Variants in SEL1L3 observed in about 807,000 individuals in gnomAD.
SEL1L3 encodes the protein SEL1L family member 3.
SEL1L3 carries 76 observed loss-of-function variants against 142.8 expected under a neutral mutation model. That is an observed-to-expected ratio of 0.53 (90% CI 0.44 to 0.64). The LOEUF is 0.64. SEL1L3 is among the 30% of genes least tolerant of loss of function. The probability of loss-of-function intolerance (pLI) is 0.00; values close to 1 mark genes in which losing one functional copy is unlikely to be tolerated. For synonymous variants in SEL1L3, 504 were observed against 519.6 expected (o/e 0.97, Z 0.41); for missense variants, 1,262 against 1,381.7 (o/e 0.91, Z 1.37).
intron 9 of SEL1L3, among the ~76,000 whole-genome samples, chr4:25,806,314 G>A (rs573017545): frequency 2.0e-5 from 3 of 152,094 alleles, no homozygotes; most frequent in African/African-American, 7.2e-5. Flanking sequence ...TGGGATTACA[G>A]GCTTGAGCCA....
At chr4:25,764,397 C>G (rs1718581305) in intron 20 of SEL1L3, among the ~76,000 whole-genome samples, 1 of 152,166 alleles carries the variant, frequency 6.6e-6, no homozygotes, top group Admixed American at 6.5e-5. Flanking sequence ...ACATTAATAT[C>G]TTAGTTTGAC....
intron 8 of SEL1L3, among the ~76,000 whole-genome samples, chr4:25,818,577 A>G (rs1456674395): frequency 6.6e-6 from 1 of 152,080 alleles, no homozygotes; most frequent in Non-Finnish European, 1.5e-5. Context: ...TTGGCATGTG[A>G]GTTGAGGAGC....
rs1338851227 is a variant in SEL1L3, at chr4:25,819,888, T to TAATA, written c.1339_1342dup (p.Tyr448LeufsTer3). ...TTCTTGAACCTCAGCACACCTTTCA[T>TAATA]AATATAACTTGATTTGTTCAGCAAG... On this transcript the variant is annotated frameshift_variant, in exon 8 of 24. Coordinates refer to ENST00000399878, the MANE Select transcript of SEL1L3 (RefSeq NM_015187.5). LOFTEE classifies it high-confidence loss of function. The TAATA allele has an allele frequency of 6.2e-7, 1 of 1,613,096 alleles. No individual in the cohort carries two copies. The highest frequency in any genetic ancestry group is 8.5e-7 in the Non-Finnish European group (1 of 1,179,476).
chr4:25,763,704 C>T (rs991497741), intron 20 of SEL1L3, among the ~76,000 whole-genome samples: 3 of 151,946 alleles, frequency 2.0e-5, no homozygotes, highest in African/African-American at 4.8e-5. Context: ...AAAAATTAGC[C>T]GGACATGCAC....
At chr4:25,802,248 C>A in intron 11 of SEL1L3, 35 bp downstream of exon 11, 1 of 1,583,338 alleles carries the variant, frequency 6.3e-7, no homozygotes, top group Non-Finnish European at 8.6e-7. Context: ...GTAAACAGGG[C>A]CATAACCATT....
chr4:25,750,306 A>C (rs1577548119), intron 23 of SEL1L3, among the ~76,000 whole-genome samples: 1 of 151,736 alleles, frequency 6.6e-6, no homozygotes. Context: ...CTACCGGCTG[A>C]GTGGAGTAGT....
chr4:25,849,788 G>A (rs1044583257), intron 1 of SEL1L3, among the ~76,000 whole-genome samples: 21 of 152,302 alleles, frequency 1.4e-4, no homozygotes, highest in African/African-American at 5.1e-4. Context: ...AGAGCTGCGG[G>A]AGAGGCAAAG....
chr4:25,810,718 C>A (rs1428013274), intron 9 of SEL1L3, among the ~76,000 whole-genome samples: 1 of 152,126 alleles, frequency 6.6e-6, no homozygotes, highest in African/African-American at 2.4e-5. Context: ...TTGGATGCCA[C>A]CCCAGAGTCT....
intron 1 of SEL1L3, among the ~76,000 whole-genome samples, chr4:25,850,912 G>A (rs1009417071): frequency 6.6e-6 from 1 of 151,392 alleles, no homozygotes; most frequent in Non-Finnish European, 1.5e-5. Flanking sequence ...GTGCAGTGAC[G>A]CAATCTCGGC....
At position 25,830,116 on chromosome 4, in the gene SEL1L3, T is replaced by C. The variant is rs745377418; in HGVS notation, c.1139A>G (p.Tyr380Cys). The change falls in exon 6 of 24, where the codon TAC becomes TGC. Residue 380 changes from tyrosine to cysteine, a missense_variant. Around this residue, in one of 3 missense-constraint regions of SEL1L3, gnomAD observed 689 missense variants for 692.8 expected, o/e 0.99. Transcript: ENST00000399878. ...TTSIGQDLKS[Y>C]HNQTISFRED... ...CACTTACCTAATGGTCTGATTGTGG[T>C]AGCTTTTCAAATCCTGTCCAATGCT... is the stretch of plus-strand genomic sequence containing the variant. 1 of 1,611,252 alleles carries C rather than the reference T, an allele frequency of 6.2e-7. No homozygotes were observed. Among genetic ancestry groups the C allele is most frequent in the Non-Finnish European group, 8.5e-7 (1 of 1,177,554 alleles).
intron 2 of SEL1L3, among the ~76,000 whole-genome samples, chr4:25,842,178 T>C (rs1716209199): frequency 6.6e-6 from 1 of 151,386 alleles, no homozygotes; most frequent in Non-Finnish European, 1.5e-5. Flanking sequence ...ATACGTGTCA[T>C]AGGAGCAGTA....
chr4:25,752,418 GAAAAAA>G (rs76936235), intron 23 of SEL1L3, among the ~76,000 whole-genome samples: 1 of 98,886 alleles, frequency 1.0e-5, no homozygotes, highest in African/African-American at 4.1e-5. Context: ...CTCCATCTCC[GAAAAAA>G]AAAAAAAAAA....
chr4:25,743,721 G>C (rs1384442247), downstream of SEL1L3, among the ~76,000 whole-genome samples: 3 of 152,156 alleles, frequency 2.0e-5, no homozygotes, highest in Non-Finnish European at 4.4e-5. Context: ...GTGAGCAGAG[G>C]GATGAGACTT....
chr4:25,802,147 G>A (rs528397465), intron 11 of SEL1L3, 136 bp downstream of exon 11: 46 of 724,640 alleles, frequency 6.3e-5, no homozygotes, highest in African/African-American at 6.1e-4. Context: ...AATGGAGAGC[G>A]CAAGACAGCT....
intron 13 of SEL1L3, among the ~76,000 whole-genome samples, chr4:25,784,737 A>T (rs377142219): frequency 6.6e-6 from 1 of 152,348 alleles, no homozygotes; most frequent in African/African-American, 2.4e-5. Flanking sequence ...AGGGTGGAAC[A>T]TTGTTGCTTC....
At chr4:25,852,560 G>A (rs1716976368) in intron 1 of SEL1L3, among the ~76,000 whole-genome samples, 1 of 152,222 alleles carries the variant, frequency 6.6e-6, no homozygotes, top group South Asian at 2.1e-4. Context: ...GGCGGAAGCC[G>A]AACCAGCCAA....
At chr4:25,746,557 T>TG (rs1577543477), downstream of SEL1L3, among the ~76,000 whole-genome samples, 1 of 144,580 alleles carries the variant, frequency 6.9e-6, no homozygotes, top group East Asian at 2.0e-4. Flanking sequence ...TGTATATATT[T>TG]AAATATATAT....
chr4:25,767,136 A>G (rs747061008), intron 19 of SEL1L3, among the ~76,000 whole-genome samples: 1 of 152,122 alleles, frequency 6.6e-6, no homozygotes, highest in Non-Finnish European at 1.5e-5. Flanking sequence ...TACTTAAAAA[A>G]TACAAAAATT....
At chr4:25,741,972 C>A in the SEL1L3 span, among the ~76,000 whole-genome samples, 1 of 151,884 alleles carries the variant, frequency 6.6e-6, no homozygotes, top group Non-Finnish European at 1.5e-5. Context: ...CCATGCCCGG[C>A]TAATTTTTTT....
Sources: gnomAD v4.1 joint callset for allele counts (sites outside exome capture counted in the v4.1 genomes callset) on GRCh38, gnomAD v4.1.1 for gene constraint, gnomAD v4.1.1 regional missense constraint, MANE v1.5 for transcripts, NCBI Gene and HGNC (gene_info 2026-07-23, HGNC 2026-07-21) for gene names.